Variants in PDE1C observed in about 807,000 individuals in gnomAD.
The protein encoded by PDE1C is phosphodiesterase 1C.
A neutral mutation model predicts 93.1 loss-of-function variants in PDE1C; 62 were observed. The observed-to-expected ratio is 0.67, with a 90% CI of 0.54 to 0.82. The LOEUF is 0.82. PDE1C is among the 40% of genes least tolerant of loss of function. PDE1C has a pLI of 0.00. For missense variants in PDE1C, 742 were observed against 884.6 expected (o/e 0.84, Z 2.04); for synonymous variants, 325 against 310.1 (o/e 1.05, Z -0.50).
At chr7:31,706,787 C>T in the PDE1C span, among the ~76,000 whole-genome samples, 1 of 152,136 alleles carries the variant, frequency 6.6e-6, no homozygotes, top group Non-Finnish European at 1.5e-5. Flanking sequence ...CACAATAACC[C>T]TTTATAATAA....
chr7:32,262,005 ATTTTTTTTTT>A (rs11325736), intron 1 of PDE1C, among the ~76,000 whole-genome samples: 974 of 89,758 alleles, frequency 0.011, 20 homozygotes, highest in African/African-American at 0.039. Flanking sequence ...TTGCTTTGGG[ATTTTTTTTTT>A]TTTTTTTTTT....
At chr7:31,686,615 C>T in the PDE1C span, 2 of 152,144 alleles carry the variant, frequency 1.3e-5, no homozygotes, top group Non-Finnish European at 2.9e-5. Flanking sequence ...TGTGGGGAGA[C>T]CTTGGTCAGA....
At chr7:31,921,838 CAAT>C (rs1802663529) in intron 2 of PDE1C, among the ~76,000 whole-genome samples, 1 of 152,056 alleles carries the variant, frequency 6.6e-6, no homozygotes, top group African/African-American at 2.4e-5. Context: ...TATCAATTAT[CAAT>C]AATAATAAAA....
chr7:31,893,814 G>A (rs1303399954), intron 2 of PDE1C, among the ~76,000 whole-genome samples: 5 of 152,116 alleles, frequency 3.3e-5, no homozygotes, highest in East Asian at 1.9e-4. Flanking sequence ...CATTGTTCAC[G>A]GTGGTAATCT....
intron 16 of PDE1C, among the ~76,000 whole-genome samples, chr7:31,792,316 T>C (rs1245107906): frequency 1.3e-5 from 2 of 152,126 alleles, no homozygotes; most frequent in Non-Finnish European, 1.5e-5. Flanking sequence ...TTGCATGTAG[T>C]GCAATGCCTG....
intron 16 of PDE1C, among the ~76,000 whole-genome samples, chr7:31,804,773 A>G (rs1786584308): frequency 6.6e-6 from 1 of 151,816 alleles, no homozygotes; most frequent in Non-Finnish European, 1.5e-5. Flanking sequence ...CTTAATTGCA[A>G]GCACTGTGAT....
the PDE1C span, among the ~76,000 whole-genome samples, chr7:31,624,884 G>T: frequency 6.6e-6 from 1 of 152,068 alleles, no homozygotes; most frequent in Non-Finnish European, 1.5e-5. Context: ...CTGACAAAGG[G>T]CTAATATCCA....
intron 2 of PDE1C, among the ~76,000 whole-genome samples, chr7:31,998,080 C>T (rs562606290): frequency 9.9e-5 from 15 of 151,760 alleles, no homozygotes; most frequent in East Asian, 3.9e-4. Flanking sequence ...AATGCAGTGG[C>T]GCAATCTTGG....
chr7:31,800,088 T>G (rs79186005), intron 16 of PDE1C, among the ~76,000 whole-genome samples: 11,650 of 151,752 alleles, frequency 0.077, 479 homozygotes, highest in South Asian at 0.13. Flanking sequence ...AGTGAAAAGT[T>G]TGTTCAATTT....
chr7:32,195,722 AT>A (rs1371457653), intron 2 of PDE1C, among the ~76,000 whole-genome samples: 3 of 152,016 alleles, frequency 2.0e-5, no homozygotes, highest in East Asian at 3.9e-4. Flanking sequence ...ATAATAATGA[AT>A]TTTGGCATGG....
At chr7:32,150,713 C>T (rs1212563651) in intron 3 of PDE1C, among the ~76,000 whole-genome samples, 1 of 152,164 alleles carries the variant, frequency 6.6e-6, no homozygotes, top group Non-Finnish European at 1.5e-5. Flanking sequence ...CAAAGCACTT[C>T]GAATAGGACC....
intron 1 of PDE1C, among the ~76,000 whole-genome samples, chr7:32,394,700 C>G (rs1784810544): frequency 6.6e-6 from 1 of 152,124 alleles, no homozygotes; most frequent in African/African-American, 2.4e-5. Context: ...GCCAGCTAAT[C>G]AGGAGGTTGA....
chr7:31,855,081 A>C (rs980036966), intron 7 of PDE1C, among the ~76,000 whole-genome samples: 143 of 151,672 alleles, frequency 9.4e-4, no homozygotes, highest in Non-Finnish European at 1.8e-3. Context: ...AAAAAAAAAA[A>C]AAAAAAAAAA....
At chr7:31,639,046 G>A in the PDE1C span, among the ~76,000 whole-genome samples, 7 of 152,246 alleles carry the variant, frequency 4.6e-5, no homozygotes, top group African/African-American at 9.6e-5. Context: ...CAAAGTGCTG[G>A]GATTACAGGT....
chr7:31,799,571 A>C (rs1305561828), intron 16 of PDE1C, among the ~76,000 whole-genome samples: 1 of 151,764 alleles, frequency 6.6e-6, no homozygotes, highest in African/African-American at 2.4e-5. Flanking sequence ...AAAATTAAAA[A>C]AGAAAAAAAC....
intron 2 of PDE1C, among the ~76,000 whole-genome samples, chr7:31,986,198 C>T (rs1379924843): frequency 6.6e-6 from 1 of 152,132 alleles, no homozygotes; most frequent in Non-Finnish European, 1.5e-5. Context: ...GAGAAGAATC[C>T]TTCCTTGCCT....
chr7:32,101,661 G>A (rs1798044173), intron 3 of PDE1C, among the ~76,000 whole-genome samples: 2 of 152,172 alleles, frequency 1.3e-5, no homozygotes, highest in African/African-American at 4.8e-5. Context: ...ATCACCAGGA[G>A]CAGATGTTAG....
intron 2 of PDE1C, among the ~76,000 whole-genome samples, chr7:31,964,887 G>A (rs1470500496): frequency 6.6e-6 from 1 of 152,204 alleles, no homozygotes; most frequent in African/African-American, 2.4e-5. Flanking sequence ...CAGACCTACA[G>A]CTGAGGGTCC....
At chr7:32,096,862 G>GATAGATAGATAA (rs1408060476) in intron 3 of PDE1C, among the ~76,000 whole-genome samples, 4 of 135,150 alleles carry the variant, frequency 3.0e-5, no homozygotes, top group Non-Finnish European at 6.7e-5. Context: ...TAGATAGATA[G>GATAGATAGATAA]ACAGACAGAT....
Sources: gnomAD v4.1 joint callset for allele counts (sites outside exome capture counted in the v4.1 genomes callset) on GRCh38, gnomAD v4.1.1 for gene constraint, MANE v1.5 for transcripts, NCBI Gene and HGNC (gene_info 2026-07-23, HGNC 2026-07-21) for gene names.